MOSMO: variants seen among roughly 807,000 people sequenced by gnomAD.
MOSMO encodes the protein modulator of smoothened protein.
MOSMO carries 5 observed loss-of-function variants against 18.4 expected under a neutral mutation model. That is an observed-to-expected ratio of 0.27 (90% CI 0.14 to 0.57). The LOEUF (loss-of-function observed/expected upper bound fraction) is 0.57. MOSMO is among the 20% of genes least tolerant of loss of function. The pLI, the probability that MOSMO is intolerant of heterozygous loss-of-function variation, is 0.92. For synonymous variants in MOSMO, 82 were observed against 82.3 expected, an observed-to-expected ratio of 1.00 and a Z score of 0.02; for missense variants, 138 against 211.8, an observed-to-expected ratio of 0.65 and a Z score of 2.16.
intron 1 of MOSMO, among the ~76,000 whole-genome samples, chr16:22,043,961 G>A (rs1900258551): frequency 1.3e-5 from 2 of 152,166 alleles, no homozygotes; most frequent in African/African-American, 4.8e-5. Flanking sequence ...CATGGCAGAA[G>A]GTGAAAGGCC....
intron 1 of MOSMO, 51 bp downstream of exon 1, chr16:22,008,458 G>T: frequency 1.5e-6 from 2 of 1,290,648 alleles, no homozygotes; most frequent in South Asian, 1.3e-5. Flanking sequence ...AGGGCGACGC[G>T]AGAGAGGGGA....
At position 22,082,191 on chromosome 16, in the gene MOSMO, G is replaced by C. The variant is rs542992562; in HGVS notation, c.*1311G>C. On this transcript the variant is annotated 3_prime_UTR_variant, in exon 3 of 3. Coordinates refer to ENST00000542527, the MANE Select transcript of MOSMO (RefSeq NM_001164579.2). Reference sequence around the variant, plus strand: ...TTAATACATCTTTACCAAAACCTGAGCAATACAATATTTTCTTTATATGTT... The same window carrying C: ...TTAATACATCTTTACCAAAACCTGACCAATACAATATTTTCTTTATATGTT... 1.3e-5 allele frequency: 2 copies of C among 152,138 alleles called. No individual in the cohort carries two copies. Among genetic ancestry groups the C allele is most frequent in the East Asian group, 3.9e-4 (2 of 5,172 alleles). 9.4% of individuals were successfully genotyped at this position (152,138 alleles called of 1,614,324 possible). A position where few individuals can be genotyped will look rare whatever the true frequency, so the allele number is the denominator to read the frequency against.
intron 1 of MOSMO, among the ~76,000 whole-genome samples, chr16:22,047,519 C>A (rs1900337409): frequency 6.6e-6 from 1 of 152,134 alleles, no homozygotes; most frequent in Admixed American, 6.5e-5. Context: ...GCTGGGATTA[C>A]AGGCTTGAGC....
chr16:22,024,015 ATTTTC>A (rs1373247962), intron 1 of MOSMO, among the ~76,000 whole-genome samples: 2 of 136,394 alleles, frequency 1.5e-5, no homozygotes. Context: ...ATATATATAT[ATTTTC>A]TTAAGAAACT....
At chr16:22,053,696 A>C (rs979736492) in intron 1 of MOSMO, among the ~76,000 whole-genome samples, 1 of 152,030 alleles carries the variant, frequency 6.6e-6, no homozygotes, top group Non-Finnish European at 1.5e-5. Context: ...CCAGCTACTC[A>C]GGAGGCTGAG....
chr16:22,009,981 A>G (rs988918743), intron 1 of MOSMO, among the ~76,000 whole-genome samples: 2 of 151,838 alleles, frequency 1.3e-5, no homozygotes, highest in African/African-American at 4.8e-5. Context: ...ACAGAGCGAG[A>G]CTCTGTCTCA....
chr16:22,010,905 A>G (rs1899512084), intron 1 of MOSMO, among the ~76,000 whole-genome samples: 1 of 151,928 alleles, frequency 6.6e-6, no homozygotes, highest in Non-Finnish European at 1.5e-5. Flanking sequence ...TGGGCGACAG[A>G]ATGGTACTCC....
chr16:22,075,243 T>C (rs1052540150), intron 1 of MOSMO: 1 of 605,554 alleles, frequency 1.7e-6, no homozygotes, highest in Admixed American at 2.3e-5. Context: ...AATGAATGCC[T>C]GAGTGAACTG....
chr16:22,076,485 G>T (rs1346566877), intron 2 of MOSMO: 3 of 152,140 alleles, frequency 2.0e-5, no homozygotes, highest in Non-Finnish European at 4.4e-5. Context: ...CAAATACATA[G>T]GACAGCCCCC....
chr16:22,033,730 G>A, intron 1 of MOSMO, among the ~76,000 whole-genome samples: 1 of 151,880 alleles, frequency 6.6e-6, no homozygotes, highest in Admixed American at 6.6e-5. Flanking sequence ...TGAGGCAGGA[G>A]AATGGCATGA....
chr16:22,070,864 AC>A (rs533332858), intron 1 of MOSMO, among the ~76,000 whole-genome samples: 59 of 152,194 alleles, frequency 3.9e-4, no homozygotes, highest in African/African-American at 1.4e-3. Flanking sequence ...CGTCTGACTT[AC>A]CCAGGGAGGT....
intron 1 of MOSMO, among the ~76,000 whole-genome samples, chr16:22,022,927 A>G (rs1047205380): frequency 6.6e-6 from 1 of 152,194 alleles, no homozygotes; most frequent in Non-Finnish European, 1.5e-5. Flanking sequence ...GTCCTTTGTT[A>G]CAGCAGCCCA....
At chr16:22,028,159 C>T (rs538546957) in intron 1 of MOSMO, among the ~76,000 whole-genome samples, 1 of 152,000 alleles carries the variant, frequency 6.6e-6, no homozygotes, top group Non-Finnish European at 1.5e-5. Context: ...GGAGTTTTCC[C>T]TTCTTCAAGT....
At chr16:22,075,726 G>T (rs1900954399) in intron 2 of MOSMO, 27 bp downstream of exon 2, 1 of 1,370,888 alleles carries the variant, frequency 7.3e-7, no homozygotes, top group South Asian at 1.4e-5. Flanking sequence ...TACTAAATTT[G>T]TCTAGAAGGC....
At chr16:22,091,208 G>A (rs1328648534), downstream of MOSMO, among the ~76,000 whole-genome samples, 2 of 152,054 alleles carry the variant, frequency 1.3e-5, no homozygotes, top group Non-Finnish European at 2.9e-5. Context: ...TATTGGTGCT[G>A]GCCACATAAC....
chr16:22,045,987 A>G (rs1458498833), intron 1 of MOSMO, among the ~76,000 whole-genome samples: 1 of 151,020 alleles, frequency 6.6e-6, no homozygotes, highest in Non-Finnish European at 1.5e-5. Context: ...GTAACTCGTC[A>G]TTTAACATTA....
At position 22,017,483 on chromosome 16, in the gene MOSMO, C is replaced by T. The variant is rs145803480; in HGVS notation, c.106+9076C>T. Among the ~76,000 whole-genome samples the T allele has an allele frequency of 7.2e-5, 11 of 152,190 alleles. 1 individual carries two copies. The highest frequency in any genetic ancestry group is 3.3e-4 in the Admixed American group (5 of 15,292). On this transcript the variant is annotated intron_variant, in intron 1 of 2. Coordinates refer to ENST00000542527, the MANE Select transcript of MOSMO (RefSeq NM_001164579.2). ...TTTCCAAGTACTTTCTAGAATTCCC[C>T]GCCCAACTAAGCAGCTAGCAGCTTT...
chr16:22,023,997 T>TTTTATATATATATATATATATATATATA (rs371289654), intron 1 of MOSMO, among the ~76,000 whole-genome samples: 35 of 126,358 alleles, frequency 2.8e-4, no homozygotes, highest in African/African-American at 1.3e-3. Flanking sequence ...TTTGTACAAA[T>TTTTATATATATATATATATATATATATA]TATATATATA....
chr16:22,043,772 G>A (rs1900254319), intron 1 of MOSMO, among the ~76,000 whole-genome samples: 1 of 152,124 alleles, frequency 6.6e-6, no homozygotes, highest in Non-Finnish European at 1.5e-5. Context: ...TATAATCGTA[G>A]AGACTTGCCT....
Sources: gnomAD v4.1 joint callset for allele counts (sites outside exome capture counted in the v4.1 genomes callset) on GRCh38, gnomAD v4.1.1 for gene constraint, MANE v1.5 for transcripts, NCBI Gene and HGNC (gene_info 2026-07-23, HGNC 2026-07-21) for gene names.